Variants in MYO1F observed in about 807,000 individuals in gnomAD.
The protein encoded by MYO1F is myosin IF.
In MYO1F, 60 loss-of-function variants were observed where a neutral mutation model predicts 146.6. The ratio of observed to expected loss-of-function variants is 0.41; its 90% CI spans 0.33 to 0.51. MYO1F has a LOEUF of 0.51. MYO1F is among the 20% of genes least tolerant of loss of function. The pLI, the probability that MYO1F is intolerant of heterozygous loss-of-function variation, is 0.25. For missense variants in MYO1F, 1,274 were observed against 1,534.3 expected, an observed-to-expected ratio of 0.83 and a Z score of 2.83; for synonymous variants, 602 against 602.1, an observed-to-expected ratio of 1.00 and a Z score of 0.00.
intron 19 of MYO1F, 107 bp downstream of exon 19, chr19:8,536,145 C>T: frequency 7.2e-7 from 1 of 1,384,810 alleles, no homozygotes; most frequent in Non-Finnish European, 1.0e-6. Flanking sequence ...ATCAGTCTTT[C>T]TCTCAATCTC....
intron 19 of MYO1F, among the ~76,000 whole-genome samples, chr19:8,531,560 T>C (rs895948576): frequency 1.3e-5 from 2 of 151,888 alleles, no homozygotes; most frequent in Non-Finnish European, 2.9e-5. Context: ...GCTGGAAAAA[T>C]TTTTATCTTC....
chr19:8,529,939 A>G, intron 21 of MYO1F: 1 of 613,296 alleles, frequency 1.6e-6, no homozygotes, highest in Non-Finnish European at 2.9e-6. Flanking sequence ...GAACAGATGG[A>G]TCTAGGCTGG....
At chr19:8,546,891 C>T (rs139941279) in intron 12 of MYO1F, among the ~76,000 whole-genome samples, 9,950 of 152,130 alleles carry the variant, frequency 0.065, 1,083 homozygotes, top group African/African-American at 0.22. Context: ...GTTGGCCAGG[C>T]TGGTCTCAAA....
chr19:8,553,905 C>CTCTCTG (rs1973727442), intron 4 of MYO1F, among the ~76,000 whole-genome samples: 2 of 150,938 alleles, frequency 1.3e-5, no homozygotes, highest in South Asian at 2.1e-4. Context: ...CTCTCTCTCT[C>CTCTCTG]TCTCTCTCTC....
At chr19:8,539,881 G>T in intron 16 of MYO1F, 66 bp downstream of exon 16, 1 of 1,403,794 alleles carries the variant, frequency 7.1e-7, no homozygotes, top group Non-Finnish European at 1.0e-6. Context: ...ACAGAGTCCG[G>T]ACCCCAGGTA....
chr19:8,555,071 G>C (rs1973787612), intron 2 of MYO1F, among the ~76,000 whole-genome samples: 1 of 151,968 alleles, frequency 6.6e-6, no homozygotes. Context: ...TGTAATCCCG[G>C]CTACTTGGGA....
intron 1 of MYO1F, among the ~76,000 whole-genome samples, chr19:8,572,021 C>G (rs1483239722): frequency 6.6e-6 from 1 of 152,144 alleles, no homozygotes; most frequent in Non-Finnish European, 1.5e-5. Context: ...CCGCGCCTGG[C>G]CTTTATACGT....
Position 8,577,264 on chromosome 19 carries a change from C to T in MYO1F, c.3+43G>A, listed in dbSNP as rs2042254618. 1.2e-6 allele frequency: 2 copies of T among 1,611,460 alleles called. No individual in the cohort carries two copies. The highest frequency in any genetic ancestry group is 1.7e-6 in the Non-Finnish European group (2 of 1,178,554). On this transcript the variant is annotated intron_variant, in intron 1 of 27. Transcript: ENST00000644032. This position sits in a 1 kb window ranked among gnomAD's most constrained non-coding sequence, Gnocchi z 4.3. ...TAGGACACCTCCACCTGGCTGGTGTCCCTCCTCTTTCTTCTTCCAGATCCC... is the reference window on the plus strand; with the variant it reads ...TAGGACACCTCCACCTGGCTGGTGTTCCTCCTCTTTCTTCTTCCAGATCCC...
At chr19:8,536,825 T>G in intron 17 of MYO1F, 124 bp downstream of exon 17, 1 of 640,184 alleles carries the variant, frequency 1.6e-6, no homozygotes. Flanking sequence ...GGTGGGGGAT[T>G]GTGGGAGGGG....
intron 2 of MYO1F, 197 bp downstream of exon 2, chr19:8,555,462 T>C (rs1335195785): frequency 3.7e-6 from 2 of 545,366 alleles, no homozygotes; most frequent in African/African-American, 3.9e-5. Context: ...GGGCTGAGCT[T>C]CCCCAGGACA....
intron 1 of MYO1F, among the ~76,000 whole-genome samples, chr19:8,573,675 C>G (rs12972649): frequency 0.48 from 72,298 of 151,886 alleles, 17,555 homozygotes; most frequent in East Asian, 0.71. Flanking sequence ...CATGGCGAAA[C>G]CCCGTCTCCA....
At chr19:8,523,882 A>G (rs1018572489) in intron 25 of MYO1F, among the ~76,000 whole-genome samples, 8 of 151,884 alleles carry the variant, frequency 5.3e-5, no homozygotes, top group Admixed American at 2.6e-4. Flanking sequence ...GCACTTTGGG[A>G]GGCTAAGGTG....
At chr19:8,524,801 T>A (rs1331128793) in intron 25 of MYO1F, among the ~76,000 whole-genome samples, 2 of 151,982 alleles carry the variant, frequency 1.3e-5, no homozygotes, top group African/African-American at 2.4e-5. Context: ...TCTTGGTGGA[T>A]AAATAAGAGC....
At position 8,567,993 on chromosome 19, in the gene MYO1F, C is replaced by T. The variant is rs1053599769; in HGVS notation, c.3+9314G>A. 2.1e-4 allele frequency among the ~76,000 whole-genome samples: 32 copies of T among 152,222 alleles called. 1 individual carries two copies. The highest frequency in any genetic ancestry group is 1.2e-3 in the Admixed American group (18 of 15,278). On this transcript the variant is annotated intron_variant, in intron 1 of 27. Transcript: ENST00000644032. ...GCCCTCCTGGCTCTCCCGGCTCTGA[C>T]GACTTGGTTCCTCTTCCTGCCCTTC...
rs562031796 is a variant in MYO1F at position 8,522,238 on chromosome 19, G to A, written c.3220+139C>T. On this transcript the variant is annotated intron_variant, in intron 27 of 27. Transcript: ENST00000644032. ...GGGGTTTCACTGTGTTAGCCAGGAT[G>A]GTCTCGATCTCCTGACCTCGTGATC... is the stretch of plus-strand genomic sequence containing the variant. 1.1e-4 allele frequency: 114 copies of A among 1,044,120 alleles called. No individual in the cohort carries two copies. In the African/African-American group the frequency reaches 1.1e-3, roughly 10 times the overall value. The allele number at this position is 1,044,120 out of a possible 1,614,324, so 64.7% of individuals were successfully genotyped here. A position where few individuals can be genotyped will look rare whatever the true frequency, so the allele number is the denominator to read the frequency against.
chr19:8,530,322 G>A lies in MYO1F; in HGVS notation c.2202C>T (p.Ser734=). Residue 734 remains serine (S), a synonymous_variant, in exon 21 of 28, where the codon AGC becomes AGT. Transcript: ENST00000644032. The surrounding 1 kb of genome is among the most constrained non-coding windows in gnomAD (Gnocchi z 5.8). ...LLNKKERRRN[S]INRNFVGDYL... ...AGTCCCCGACGAAGTTCCGATTGAT[G>A]CTGTTGCGCCTCCGCTCCTTCTTGT... 2 of 1,614,164 alleles carry A rather than the reference G, an allele frequency of 1.2e-6. No homozygotes were observed. The highest frequency in any genetic ancestry group is 1.7e-6 in the Non-Finnish European group (2 of 1,180,026).
At chr19:8,574,582 TCTCTCTCTC>T (rs1568380970) in intron 1 of MYO1F, among the ~76,000 whole-genome samples, 20 of 85,152 alleles carry the variant, frequency 2.3e-4, no homozygotes, top group African/African-American at 8.7e-4. Flanking sequence ...TTTCTTTCTC[TCTCTCTCTC>T]TCTCTCTTTC....
At position 8,522,398 on chromosome 19, in the gene MYO1F, C is replaced by T. The variant is rs1350427254; in HGVS notation, c.3199G>A (p.Val1067Ile). The stretch of plus-strand genomic sequence containing the variant: ...ACACCTTCCATGAGGATCTCAATGA[C>T]CTCGTTCACGTTGAAGCTCAGCTCG... The part of the protein sequence containing the change: ...VDELSFNVNE[V>I]IEILMEDPSG... The change falls in exon 27 of 28, where the codon GTC (valine) becomes ATC (isoleucine). Residue 1067 changes from valine to isoleucine, a missense_variant. Transcript: ENST00000644032. 1.2e-6 allele frequency: 2 copies of T among 1,614,152 alleles called. No individual in the cohort carries two copies. The highest frequency in any genetic ancestry group is 1.7e-5 in the Admixed American group (1 of 60,016).
rs542211480 is a variant in MYO1F at position 8,561,038 on chromosome 19, C to T, written c.4-5242G>A. On this transcript the variant is annotated intron_variant, in intron 1 of 27. Transcript: ENST00000644032. Reference sequence around the variant, plus strand: ...AGGTGTGAGCCACTGCGCCTGGCCACGCCTGGCTAATTTTTAAATATTTCA... The same window carrying T: ...AGGTGTGAGCCACTGCGCCTGGCCATGCCTGGCTAATTTTTAAATATTTCA... 7.3e-5 allele frequency among the ~76,000 whole-genome samples: 11 copies of T among 151,592 alleles called. No homozygotes were observed. The South Asian group carries it at 1.0e-3, about 14-fold the overall frequency.
Sources: gnomAD v4.1 joint callset for allele counts (sites outside exome capture counted in the v4.1 genomes callset) on GRCh38, gnomAD v4.1.1 for gene constraint, Gnocchi (gnomAD v3.1) non-coding constraint, MANE v1.5 for transcripts, NCBI Gene and HGNC (gene_info 2026-07-23, HGNC 2026-07-21) for gene names.